Variants in REV1 observed in about 807,000 individuals in gnomAD.
REV1 encodes the protein REV1 DNA directed polymerase.
In REV1, 42 loss-of-function variants were observed where a neutral mutation model predicts 137.4. The ratio of observed to expected loss-of-function variants is 0.31; its 90% CI spans 0.24 to 0.40. The LOEUF (loss-of-function observed/expected upper bound fraction) is 0.40, where lower values mean the gene tolerates loss of function less well. REV1 is among the 10% of genes least tolerant of loss of function. REV1 has a pLI of 1.00. For synonymous variants in REV1, 524 were observed against 519.2 expected (o/e 1.01, Z -0.12); for missense variants, 1,282 against 1,490.1 (o/e 0.86, Z 2.30).
At chr2:99,416,662 CATGCCTATA>C (rs1470439887) in intron 12 of REV1, among the ~76,000 whole-genome samples, 1 of 152,144 alleles carries the variant, frequency 6.6e-6, no homozygotes, top group African/African-American at 2.4e-5. Flanking sequence ...CACGGTGGCT[CATGCCTATA>C]ATCCCAGCAC....
chr2:99,456,963 A>T (rs568662711), intron 3 of REV1, among the ~76,000 whole-genome samples: 2 of 152,354 alleles, frequency 1.3e-5, no homozygotes, highest in African/African-American at 4.8e-5. Context: ...AATGTAGGTC[A>T]GAATTAGGAC....
intron 14 of REV1, 140 bp from the exon 15 acceptor site, chr2:99,408,271 CTCCCT>C: frequency 2.3e-6 from 1 of 435,980 alleles, no homozygotes; most frequent in African/African-American, 2.0e-5. Flanking sequence ...ATGCCATAGT[CTCCCT>C]TCAAGGAAGC....
At chr2:99,431,431 A>G (rs549540452) in intron 8 of REV1, among the ~76,000 whole-genome samples, 2 of 152,226 alleles carry the variant, frequency 1.3e-5, no homozygotes, top group South Asian at 4.1e-4. Flanking sequence ...CTAAGCTGAA[A>G]AACTGTAAGA....
rs1160642578 is a variant in REV1, at chr2:99,416,758, C to CAAA, written c.1951+2067_1951+2069dup. 2.0e-5 allele frequency among the ~76,000 whole-genome samples: 3 copies of CAAA among 151,394 alleles called. No individual in the cohort carries two copies. The East Asian group carries it at 5.9e-4, about 30-fold the overall frequency. On this transcript the variant is annotated intron_variant, in intron 12 of 22. Coordinates refer to ENST00000258428, the MANE Select transcript of REV1 (RefSeq NM_016316.4). ...TGAAACTCCATCTCTACTAAAAATA[C>CAAA]AAAAAATTAGCCGGCTGTGTGGTGG... is the stretch of plus-strand genomic sequence containing the variant.
intron 14 of REV1, among the ~76,000 whole-genome samples, chr2:99,410,058 A>G (rs909431674): frequency 5.3e-5 from 8 of 151,750 alleles, no homozygotes; most frequent in African/African-American, 1.9e-4. Flanking sequence ...TTGCCCAGGC[A>G]GGAGTGCACT....
intron 1 of REV1, among the ~76,000 whole-genome samples, chr2:99,472,796 T>C (rs543279441): frequency 1.6e-4 from 25 of 152,366 alleles, no homozygotes; most frequent in Middle Eastern, 6.8e-3. Flanking sequence ...CTAGCACGCA[T>C]GCCCTAAAAA....
At chr2:99,460,667 AAAT>A (rs781578344) in intron 3 of REV1, among the ~76,000 whole-genome samples, 3 of 152,216 alleles carry the variant, frequency 2.0e-5, no homozygotes, top group Non-Finnish European at 2.9e-5. Context: ...ATTTTTCTAA[AAAT>A]AAAGTTATTT....
At chr2:99,431,763 G>A in intron 8 of REV1, 1 of 985,498 alleles carries the variant, frequency 1.0e-6, no homozygotes, top group African/African-American at 1.7e-5. Flanking sequence ...GCAGCAGAGT[G>A]CGTGGGTCCC....
chr2:99,476,095 G>GCAACTTTACGTAA (rs1282176028), intron 1 of REV1, among the ~76,000 whole-genome samples: 3 of 152,174 alleles, frequency 2.0e-5, no homozygotes, highest in African/African-American at 7.2e-5. Flanking sequence ...CTTTTTCTAT[G>GCAACTTTACGTAA]CTTGCCAAAA....
chr2:99,454,380 G>A (rs1235731556), intron 3 of REV1, among the ~76,000 whole-genome samples: 1 of 151,242 alleles, frequency 6.6e-6, no homozygotes, highest in Non-Finnish European at 1.5e-5. Flanking sequence ...GAGAAACCCC[G>A]TCACTACTAA....
intron 19 of REV1, 60 bp from the exon 20 acceptor site, chr2:99,403,166 A>G (rs1675738707): frequency 2.2e-6 from 3 of 1,347,530 alleles, no homozygotes; most frequent in Non-Finnish European, 3.0e-6. Context: ...TCTGGATGAC[A>G]GTATTGGGTT....
At chr2:99,417,202 C>T (rs1357388897) in intron 12 of REV1, among the ~76,000 whole-genome samples, 2 of 152,046 alleles carry the variant, frequency 1.3e-5, no homozygotes, top group Non-Finnish European at 2.9e-5. Context: ...TGCAGTGGTG[C>T]GATCTTGGCT....
intron 3 of REV1, among the ~76,000 whole-genome samples, chr2:99,456,831 G>C (rs926359741): frequency 6.6e-6 from 1 of 152,212 alleles, no homozygotes; most frequent in African/African-American, 2.4e-5. Flanking sequence ...GAAGTGAGGA[G>C]GGAAGGAGTT....
chr2:99,471,889 TA>T (rs947603744), intron 1 of REV1, among the ~76,000 whole-genome samples: 1,812 of 93,432 alleles, frequency 0.019, 10 homozygotes, highest in African/African-American at 0.036. Context: ...TAGCTACTAT[TA>T]AAAAAAAAAA....
chr2:99,404,829 C>G (rs1676049716), intron 17 of REV1, 152 bp from the exon 18 acceptor site: 1 of 660,440 alleles, frequency 1.5e-6, no homozygotes, highest in Non-Finnish European at 2.6e-6. Context: ...ACCTCCAAAT[C>G]AGCACATTTT....
At chr2:99,482,466 G>A (rs1686706608) in intron 1 of REV1, among the ~76,000 whole-genome samples, 1 of 152,186 alleles carries the variant, frequency 6.6e-6, no homozygotes, top group East Asian at 1.9e-4. Context: ...TGGATAACCT[G>A]CAAGTCCTGG....
At chr2:99,446,649 C>T (rs149477923) in intron 4 of REV1, among the ~76,000 whole-genome samples, 16,415 of 152,098 alleles carry the variant, frequency 0.11, 1,161 homozygotes, top group East Asian at 0.24. Flanking sequence ...CACCCAACAC[C>T]ATGCCTGGCT....
At chr2:99,431,341 A>C (rs760487984) in intron 8 of REV1, among the ~76,000 whole-genome samples, 1 of 148,860 alleles carries the variant, frequency 6.7e-6, no homozygotes, top group Non-Finnish European at 1.5e-5. Flanking sequence ...TTACAAATTA[A>C]AGACAGAATC....
chr2:99,409,284 G>C (rs1676770266), intron 14 of REV1, among the ~76,000 whole-genome samples: 1 of 152,004 alleles, frequency 6.6e-6, no homozygotes, highest in South Asian at 2.1e-4. Flanking sequence ...TGGTAACTTG[G>C]GAGTTTCTCT....
Sources: allele counts gnomAD v4.1 joint callset (sites outside exome capture counted in the v4.1 genomes callset), GRCh38; gene constraint gnomAD v4.1.1; transcripts MANE v1.5; gene names NCBI Gene and HGNC (gene_info 2026-07-23, HGNC 2026-07-21).